SLC35F3: variants seen among roughly 807,000 people sequenced by gnomAD.
SLC35F3 encodes the protein putative thiamine transporter SLC35F3.
SLC35F3 carries 25 observed loss-of-function variants against 49.9 expected under a neutral mutation model. The ratio of observed to expected loss-of-function variants is 0.50; its 90% CI spans 0.37 to 0.70. The LOEUF is 0.70. Ranked by LOEUF, SLC35F3 falls within the 30% of genes least tolerant of loss-of-function variation. The pLI is 0.00. For synonymous variants in SLC35F3, 275 were observed against 265.4 expected (o/e 1.04, Z -0.35); for missense variants, 525 against 639.8 (o/e 0.82, Z 1.94).
At chr1:234,156,878 A>G (rs1666161253) in intron 2 of SLC35F3, among the ~76,000 whole-genome samples, 1 of 152,212 alleles carries the variant, frequency 6.6e-6, no homozygotes, top group East Asian at 1.9e-4. Context: ...CACATGTTGT[A>G]TAACACCATT....
chr1:234,231,869 T>C lies in SLC35F3; in HGVS notation c.608+128T>C. ...GGGAGCCCGTGGAGAGATGTTGCAG[T>C]GAATGCACCTGCTCTCAGTGGGGTC... On this transcript the variant is annotated intron_variant, in intron 3 of 7. Transcript: ENST00000366618. The surrounding 1 kb of genome is among the most constrained non-coding windows in gnomAD (Gnocchi z 5.4). The C allele has an allele frequency of 1.2e-6, 1 of 862,842 alleles. No individual in the cohort carries two copies. The highest frequency in any genetic ancestry group is 1.8e-6 in the Non-Finnish European group (1 of 549,142). The allele number at this position is 862,842 out of a possible 1,614,324, so 53.4% of individuals were successfully genotyped here.
At chr1:234,207,330 T>G (rs933986679) in intron 2 of SLC35F3, among the ~76,000 whole-genome samples, 2 of 41,390 alleles carry the variant, frequency 4.8e-5, no homozygotes, top group Non-Finnish European at 1.0e-4. Context: ...TTCTAGAAGA[T>G]TCTAGAATTC....
At chr1:234,196,956 A>G (rs1572090788) in intron 2 of SLC35F3, among the ~76,000 whole-genome samples, 1 of 152,204 alleles carries the variant, frequency 6.6e-6, no homozygotes, top group Admixed American at 6.5e-5. Flanking sequence ...AAAAAAAAGA[A>G]AGACAAAGAT....
In SLC35F3 at chr1:234,046,732, T is replaced by C. The variant is rs1383072423; in HGVS notation, c.283+140974T>C. 6.6e-6 allele frequency among the ~76,000 whole-genome samples: 1 copy of C among 152,220 alleles called. No homozygotes were observed. The highest frequency in any genetic ancestry group is 2.4e-5 in the African/African-American group (1 of 41,468). On this transcript the variant is annotated intron_variant, in intron 2 of 7. Coordinates refer to ENST00000366618, the MANE Select transcript of SLC35F3 (RefSeq NM_173508.4). The surrounding 1 kb of genome is among the most constrained non-coding windows in gnomAD (Gnocchi z 4.4). ...AAATTTTAAACATTTCCTTTATGCA[T>C]TTAGTTATTTAATCCCTGAAATTTG...
intron 2 of SLC35F3, among the ~76,000 whole-genome samples, chr1:234,109,609 C>T (rs1665374908): frequency 6.6e-6 from 1 of 152,202 alleles, no homozygotes; most frequent in African/African-American, 2.4e-5. Context: ...TGTATGTCCT[C>T]ATTCATTCTT....
intron 2 of SLC35F3, among the ~76,000 whole-genome samples, chr1:234,087,084 A>G (rs905005161): frequency 6.6e-6 from 1 of 152,180 alleles, no homozygotes; most frequent in African/African-American, 2.4e-5. Flanking sequence ...AAAGATGTGG[A>G]TAAGAGGAAG....
chr1:234,224,121 C>G (rs1667250104), intron 2 of SLC35F3, among the ~76,000 whole-genome samples: 1 of 152,160 alleles, frequency 6.6e-6, no homozygotes. Context: ...CTGGAGTGCA[C>G]TGGCGCAATC....
At chr1:234,116,857 C>G (rs1310610348) in intron 2 of SLC35F3, among the ~76,000 whole-genome samples, 2 of 152,274 alleles carry the variant, frequency 1.3e-5, no homozygotes, top group East Asian at 3.9e-4. Context: ...TTTACATATT[C>G]CCATCATTCT....
intron 2 of SLC35F3, among the ~76,000 whole-genome samples, chr1:234,028,717 A>G (rs1664014239): frequency 1.3e-5 from 2 of 152,244 alleles, no homozygotes; most frequent in Non-Finnish European, 2.9e-5. Flanking sequence ...GCAAAGCTAC[A>G]GGAGGTGGGA....
chr1:234,206,123 C>T (rs1156306577), intron 2 of SLC35F3, among the ~76,000 whole-genome samples: 1 of 152,076 alleles, frequency 6.6e-6, no homozygotes, highest in African/African-American at 2.4e-5. Flanking sequence ...TTTTCAGCAC[C>T]TCTCTGTGTG....
Position 234,034,923 on chromosome 1 carries a change from C to T in SLC35F3, c.283+129165C>T, listed in dbSNP as rs528247986. On this transcript the variant is annotated intron_variant, in intron 2 of 7. Coordinates refer to ENST00000366618, the MANE Select transcript of SLC35F3 (RefSeq NM_173508.4). ...TTTGTTTGCTTGGTTTTCTATGACC[C>T]TATCATAAATTCAACTCCAAACTCT... 3.9e-5 allele frequency among the ~76,000 whole-genome samples: 6 copies of T among 152,210 alleles called. 1 individual carries two copies. The highest frequency in any genetic ancestry group is 1.4e-4 in the African/African-American group (6 of 41,538).
At chr1:234,186,866 G>A (rs1316885679) in intron 2 of SLC35F3, among the ~76,000 whole-genome samples, 3 of 152,156 alleles carry the variant, frequency 2.0e-5, no homozygotes, top group East Asian at 3.8e-4. Context: ...CTTCAGAAAT[G>A]CTCAGGGCTG....
intron 2 of SLC35F3, among the ~76,000 whole-genome samples, chr1:234,074,517 G>A (rs1664766179): frequency 6.6e-6 from 1 of 152,212 alleles, no homozygotes; most frequent in South Asian, 2.1e-4. Context: ...TGCCCAAGTA[G>A]GTGGAAAGAT....
Position 234,214,161 on chromosome 1 carries a change from G to T in SLC35F3, c.284-17256G>T. The T allele has an allele frequency of 9.4e-7, 1 of 1,062,386 alleles. No homozygotes were observed. Among genetic ancestry groups the T allele is most frequent in the Non-Finnish European group, 1.1e-6 (1 of 880,430 alleles). The allele number at this position is 1,062,386 out of a possible 1,614,324, so 65.8% of individuals were successfully genotyped here. Reference sequence around the variant, plus strand: ...CTGCGGGGCTGGGCGTCCCGGGGAGGAGGGCGGAGCAGGTGAGCTGCGGGG... The same window carrying T: ...CTGCGGGGCTGGGCGTCCCGGGGAGTAGGGCGGAGCAGGTGAGCTGCGGGG... On this transcript the variant is annotated intron_variant, in intron 2 of 7. Coordinates refer to ENST00000366618, the MANE Select transcript of SLC35F3 (RefSeq NM_173508.4). This position sits in a 1 kb window ranked among gnomAD's most constrained non-coding sequence, Gnocchi z 8.0.
chr1:234,251,223 G>A (rs1173938648), intron 3 of SLC35F3, among the ~76,000 whole-genome samples: 1 of 152,132 alleles, frequency 6.6e-6, no homozygotes, highest in Non-Finnish European at 1.5e-5. Context: ...AAAGGAAATA[G>A]CAAGGACTGG....
At chr1:234,197,305 G>A (rs1273811241) in intron 2 of SLC35F3, among the ~76,000 whole-genome samples, 1 of 152,090 alleles carries the variant, frequency 6.6e-6, no homozygotes, top group Non-Finnish European at 1.5e-5. Flanking sequence ...TCTCAGACAG[G>A]CACTTCAAGG....
At chr1:234,004,833 C>T (rs1438455965) in intron 2 of SLC35F3, among the ~76,000 whole-genome samples, 2 of 152,116 alleles carry the variant, frequency 1.3e-5, no homozygotes, top group Non-Finnish European at 2.9e-5. Flanking sequence ...ATTTTCCTCT[C>T]TTCTTTATTT....
chr1:234,212,564 G>C (rs895835450), intron 2 of SLC35F3: 4 of 152,106 alleles, frequency 2.6e-5, no homozygotes, highest in African/African-American at 4.8e-5. Context: ...TATCCTCTCA[G>C]CCTCAGTTTC....
At chr1:233,961,456 T>TC (rs370970221) in intron 2 of SLC35F3, among the ~76,000 whole-genome samples, 1 of 80,222 alleles carries the variant, frequency 1.2e-5, no homozygotes, top group Non-Finnish European at 2.6e-5. Flanking sequence ...TTTTCCTCTC[T>TC]TTTTTTTTTT....
Sources: gnomAD v4.1 joint callset for allele counts (sites outside exome capture counted in the v4.1 genomes callset) on GRCh38, gnomAD v4.1.1 for gene constraint, Gnocchi (gnomAD v3.1) non-coding constraint, MANE v1.5 for transcripts, NCBI Gene and HGNC (gene_info 2026-07-23, HGNC 2026-07-21) for gene names.